Variants in HLA-DRB5 observed in about 807,000 individuals in gnomAD.
HLA-DRB5 encodes the protein major histocompatibility complex, class II, DR beta 5.
HLA-DRB5 carries 11 observed loss-of-function variants against 22.4 expected under a neutral mutation model. The ratio of observed to expected loss-of-function variants is 0.49; its 90% CI spans 0.31 to 0.81. HLA-DRB5 has a LOEUF of 0.81. HLA-DRB5 is among the 40% of genes least tolerant of loss of function. HLA-DRB5 has a pLI of 0.05. For missense variants in HLA-DRB5, 106 were observed against 274.4 expected (o/e 0.39, Z 4.34); for synonymous variants, 57 against 106.0 (o/e 0.54, Z 2.84).
chr6:32,528,203 A>ACTT (rs1769853316), intron 1 of HLA-DRB5, among the ~76,000 whole-genome samples: 1 of 70,714 alleles, frequency 1.4e-5, no homozygotes, highest in Non-Finnish European at 2.9e-5. Context: ...TATGAACTAA[A>ACTT]GTAGGTGAAT....
intron 1 of HLA-DRB5, among the ~76,000 whole-genome samples, chr6:32,526,184 C>T (rs111612758): frequency 0.28 from 11,910 of 42,806 alleles, 1,271 homozygotes; most frequent in Middle Eastern, 0.38. Context: ...GGATACTCTA[C>T]TGACTGCAAA....
intron 1 of HLA-DRB5, among the ~76,000 whole-genome samples, chr6:32,523,157 C>CT (rs1448899923): frequency 0.014 from 477 of 33,700 alleles, 14 homozygotes; most frequent in African/African-American, 0.016. Flanking sequence ...ACCATGATCC[C>CT]ATGAATGTCC....
chr6:32,529,335 C>G (rs1164227921), intron 1 of HLA-DRB5, among the ~76,000 whole-genome samples: 3,445 of 41,336 alleles, frequency 0.083, 180 homozygotes, highest in Middle Eastern at 0.16. Context: ...CTCTTCCTGT[C>G]ATGTCTAGTT....
chr6:32,527,053 G>T (rs1769687347), intron 1 of HLA-DRB5, among the ~76,000 whole-genome samples: 1 of 19,642 alleles, frequency 5.1e-5, no homozygotes. Context: ...AACAAGGTAA[G>T]CAAAATCCAC....
chr6:32,518,847 G>T (rs191570792), intron 3 of HLA-DRB5, among the ~76,000 whole-genome samples, 181 bp from the exon 4 acceptor site: 182 of 54,636 alleles, frequency 3.3e-3, no homozygotes, highest in Admixed American at 5.9e-3. Context: ...CAAGTTTCAG[G>T]GATCAAATTC....
chr6:32,522,958 T>C (rs796756525), intron 1 of HLA-DRB5, among the ~76,000 whole-genome samples: 7,933 of 108,548 alleles, frequency 0.073, 128 homozygotes, highest in East Asian at 0.1. Flanking sequence ...AAAGCTTGAA[T>C]TGATGAACTT....
chr6:32,526,062 C>T lies in HLA-DRB5; in HGVS notation c.101-3888G>A, dbSNP rs575592747. On this transcript the variant is annotated intron_variant, in intron 1 of 5. Transcript: ENST00000374975. ...CCTTTTCCTTTTGATCCAGCTGGCT[C>T]CCTGAACCCAGAGCACAGTCCTTCC... 1.3e-3 allele frequency among the ~76,000 whole-genome samples: 122 copies of T among 93,288 alleles called. 2 individuals carry two copies. Among genetic ancestry groups the T allele is most frequent in the Non-Finnish European group, 2.0e-3 (89 of 45,454 alleles). The allele number at this position is 93,288 out of a possible 152,430, so 61.2% of individuals were successfully genotyped here. A position where few individuals can be genotyped will look rare whatever the true frequency, so the allele number is the denominator to read the frequency against.
At chr6:32,523,084 T>C (rs1390471777) in intron 1 of HLA-DRB5, among the ~76,000 whole-genome samples, 3 of 65,366 alleles carry the variant, frequency 4.6e-5, no homozygotes, top group Non-Finnish European at 6.6e-5. Context: ...GTGGGTGGTG[T>C]TAGGATCTGA....
At chr6:32,524,012 G>A (rs1581599208) in intron 1 of HLA-DRB5, among the ~76,000 whole-genome samples, 1 of 28,972 alleles carries the variant, frequency 3.5e-5, no homozygotes, top group African/African-American at 1.4e-4. Context: ...CTCAAACATT[G>A]CCACAAGTTC....
chr6:32,524,424 C>A (rs796488075), intron 1 of HLA-DRB5, among the ~76,000 whole-genome samples: 8,311 of 94,914 alleles, frequency 0.088, no homozygotes, highest in Admixed American at 0.13. Flanking sequence ...TAACTCACGT[C>A]TTTCAGTCTC....
intron 1 of HLA-DRB5, among the ~76,000 whole-genome samples, chr6:32,526,018 T>TG (rs1769576516): frequency 1.1e-4 from 6 of 56,212 alleles, no homozygotes; most frequent in East Asian, 4.3e-4. Context: ...GTCCTCCTGC[T>TG]TCTCTTCAGC....
chr6:32,525,432 A>G (rs1302874745), intron 1 of HLA-DRB5, among the ~76,000 whole-genome samples: 3,742 of 50,788 alleles, frequency 0.074, 155 homozygotes, highest in Admixed American at 0.12. Flanking sequence ...CTATTACATG[A>G]TTCTAAAGCA....
chr6:32,520,252 A>T (rs577424330), intron 2 of HLA-DRB5, among the ~76,000 whole-genome samples: 73 of 41,966 alleles, frequency 1.7e-3, no homozygotes, highest in Non-Finnish European at 2.4e-3. Flanking sequence ...GAAAAATATG[A>T]TTTAAAGTAA....
Position 32,521,896 on chromosome 6 carries a change from CAT to C in HLA-DRB5, c.370+7_370+8del, listed in dbSNP as rs758669037. 4 of 1,401,284 alleles carry C rather than the reference CAT, an allele frequency of 2.9e-6. No homozygotes were observed. In the African/African-American group the frequency reaches 4.6e-5, roughly 16 times the overall value. The allele number at this position is 1,401,284 out of a possible 1,614,324, so 86.8% of individuals were successfully genotyped here. On this transcript the variant is annotated splice_region_variant and intron_variant, in intron 2 of 5. Transcript: ENST00000374975. ...CAAGGACCCAGGCCCCGCCCCCCACCATGCTCACCTCGCCGCTGCACTGTGAA... is the reference window on the plus strand; with the variant it reads ...CAAGGACCCAGGCCCCGCCCCCCACCGCTCACCTCGCCGCTGCACTGTGAA...
At chr6:32,529,473 A>ATTATT (rs1486920393) in intron 1 of HLA-DRB5, among the ~76,000 whole-genome samples, 1 of 68,294 alleles carries the variant, frequency 1.5e-5, no homozygotes, top group African/African-American at 6.6e-5. Flanking sequence ...TACCTCATAG[A>ATTATT]TGCCCTTTAA....
chr6:32,520,385 A>G (rs116748043), intron 2 of HLA-DRB5, among the ~76,000 whole-genome samples: 33,802 of 56,346 alleles, frequency 0.6, 14,409 homozygotes, highest in Middle Eastern at 0.77. Flanking sequence ...CTGGGAAGGT[A>G]GGACAGACAG....
In HLA-DRB5 at chr6:32,522,294, C is replaced by T; in HGVS notation, c.101-120G>A. 3.6e-5 allele frequency: 10 copies of T among 279,782 alleles called. 4 individuals are homozygous for T. The highest frequency in any genetic ancestry group is 5.7e-5 in the Non-Finnish European group (10 of 173,926). The allele number at this position is 279,782 out of a possible 1,614,324, so 17.3% of individuals were successfully genotyped here. ...GCACTGGAACCTTAACTGATCCCAA[C>T]CATAACCCCGACCACGCGCAGCCCA... On this transcript the variant is annotated intron_variant, in intron 1 of 5. Coordinates refer to ENST00000374975, the MANE Select transcript of HLA-DRB5 (RefSeq NM_002125.4).
intron 2 of HLA-DRB5, among the ~76,000 whole-genome samples, chr6:32,520,241 A>G (rs184130493): frequency 0.2 from 10,866 of 53,308 alleles, 3,338 homozygotes; most frequent in East Asian, 0.25. Context: ...ACAGTTTGAG[A>G]GAAAAATATG....
At chr6:32,523,905 A>ATGGC (rs1239454599) in intron 1 of HLA-DRB5, among the ~76,000 whole-genome samples, 30,731 of 84,154 alleles carry the variant, frequency 0.37, 2,698 homozygotes, top group Middle Eastern at 0.44. Flanking sequence ...TTGTTGGTAA[A>ATGGC]GGAGGCTGTT....
Sources: allele counts gnomAD v4.1 joint callset (sites outside exome capture counted in the v4.1 genomes callset), GRCh38; gene constraint gnomAD v4.1.1; transcripts MANE v1.5; gene names NCBI Gene and HGNC (gene_info 2026-07-23, HGNC 2026-07-21).